The following ELAVL4 variants were observed in gnomAD, a reference collection of about 807,000 sequenced individuals.
ELAVL4 encodes the protein ELAV like RNA binding protein 4, also known as ELAV-like protein 4.
ELAVL4 carries 1 observed loss-of-function variant against 35.6 expected under a neutral mutation model. That is an observed-to-expected ratio of 0.03 (90% CI 0.01 to 0.13). The LOEUF (loss-of-function observed/expected upper bound fraction) is 0.13, where lower values mean the gene tolerates loss of function less well. Ranked by LOEUF, ELAVL4 falls within the 10% of genes least tolerant of loss-of-function variation. The pLI, the probability that ELAVL4 is intolerant of heterozygous loss-of-function variation, is 1.00. For missense variants in ELAVL4, 267 were observed against 464.9 expected (o/e 0.57, Z 3.91); for synonymous variants, 156 against 171.0 (o/e 0.91, Z 0.69).
At chr1:50,098,751 G>A (rs986626396) in intron 1 of ELAVL4, among the ~76,000 whole-genome samples, 5 of 152,182 alleles carry the variant, frequency 3.3e-5, no homozygotes, top group African/African-American at 1.2e-4. Flanking sequence ...ACTAAAAAGG[G>A]TCAAGTGGAG....
intron 2 of ELAVL4, among the ~76,000 whole-genome samples, chr1:50,161,676 G>A (rs1029909556): frequency 1.3e-5 from 2 of 152,176 alleles, no homozygotes; most frequent in African/African-American, 4.8e-5. Context: ...AAAAGGGTGG[G>A]GGAGTGGAAG....
intron 1 of ELAVL4, among the ~76,000 whole-genome samples, chr1:50,120,133 A>T (rs1159894827): frequency 6.6e-6 from 1 of 151,728 alleles, no homozygotes; most frequent in South Asian, 2.1e-4. Flanking sequence ...GCATCATAGT[A>T]TTTAAAATAT....
At chr1:50,122,217 T>C (rs189674824) in intron 1 of ELAVL4, among the ~76,000 whole-genome samples, 26 of 152,200 alleles carry the variant, frequency 1.7e-4, no homozygotes, top group Admixed American at 5.2e-4. Flanking sequence ...GTGCCTACTA[T>C]GTGTTAGCTC....
intron 1 of ELAVL4, among the ~76,000 whole-genome samples, chr1:50,079,307 G>A (rs1410734425): frequency 1.3e-5 from 2 of 152,148 alleles, no homozygotes; most frequent in Non-Finnish European, 2.9e-5. Context: ...TAGCATGTAG[G>A]AGATTTATTA....
At chr1:50,144,546 T>G in intron 1 of ELAVL4, 1 of 484,644 alleles carries the variant, frequency 2.1e-6, no homozygotes, top group Non-Finnish European at 4.1e-6. Flanking sequence ...TATTTGATCT[T>G]GTGAGTGTAG....
intron 4 of ELAVL4, among the ~76,000 whole-genome samples, 156 bp from the exon 5 acceptor site, chr1:50,195,405 G>A (rs1348848345): frequency 1.3e-5 from 2 of 152,208 alleles, no homozygotes; most frequent in African/African-American, 4.8e-5. Context: ...AGGTAAACGT[G>A]TTTTGATTGG....
intron 1 of ELAVL4, among the ~76,000 whole-genome samples, chr1:50,052,716 G>T (rs1488123233): frequency 6.6e-6 from 1 of 152,068 alleles, no homozygotes; most frequent in African/African-American, 2.4e-5. Context: ...TCAGAGTCTG[G>T]CAATAGTTTA....
chr1:50,066,435 T>C (rs544542371), intron 1 of ELAVL4, among the ~76,000 whole-genome samples: 1 of 152,304 alleles, frequency 6.6e-6, no homozygotes, highest in Admixed American at 6.5e-5. Flanking sequence ...TCTTTCATCA[T>C]TTCATGTTCT....
chr1:50,189,413 A>G (rs969884325), intron 3 of ELAVL4, among the ~76,000 whole-genome samples: 1 of 152,246 alleles, frequency 6.6e-6, no homozygotes, highest in Non-Finnish European at 1.5e-5. Flanking sequence ...CCTTGGTGAG[A>G]CTTGCTGAGA....
chr1:50,135,947 C>T (rs1215450037), intron 1 of ELAVL4, among the ~76,000 whole-genome samples: 1 of 152,004 alleles, frequency 6.6e-6, no homozygotes, highest in African/African-American at 2.4e-5. Context: ...GTTATCAGAT[C>T]ATCAGTCTCA....
At chr1:50,169,139 C>T (rs888144794) in intron 2 of ELAVL4, among the ~76,000 whole-genome samples, 2 of 152,124 alleles carry the variant, frequency 1.3e-5, no homozygotes, top group South Asian at 2.1e-4. Context: ...CAGGAAGCAT[C>T]CAGCATGGGA....
At chr1:50,186,467 A>G (rs549646467) in intron 3 of ELAVL4, among the ~76,000 whole-genome samples, 6 of 152,228 alleles carry the variant, frequency 3.9e-5, no homozygotes, top group Non-Finnish European at 8.8e-5. Context: ...AAGTGTAACT[A>G]TTGCCACTGA....
chr1:50,201,289 T>G lies in ELAVL4; in HGVS notation c.*111T>G. The G allele has an allele frequency of 7.6e-7, 1 of 1,320,208 alleles. No homozygotes were observed. The highest frequency in any genetic ancestry group is 1.0e-6 in the Non-Finnish European group (1 of 1,000,246). The allele number at this position is 1,320,208 out of a possible 1,614,324, so 81.8% of individuals were successfully genotyped here. ...AGAGAAACAAACTTTTCAAGGCTTATATTCAACCATGGACTTTATAAGCCA... is the reference window on the plus strand; with the variant it reads ...AGAGAAACAAACTTTTCAAGGCTTAGATTCAACCATGGACTTTATAAGCCA... On this transcript the variant is annotated 3_prime_UTR_variant, in exon 7 of 7. Coordinates refer to ENST00000371824, the MANE Select transcript of ELAVL4 (RefSeq NM_001144774.3). This position sits in a 1 kb window ranked among gnomAD's most constrained non-coding sequence, Gnocchi z 4.3.
At chr1:50,144,500 A>AT (rs745841246) in intron 1 of ELAVL4, 1 of 459,464 alleles carries the variant, frequency 2.2e-6, no homozygotes, top group South Asian at 1.6e-5. Context: ...ATTTAATGTC[A>AT]TTTTATTTTA....
At chr1:50,058,618 CT>C (rs112852298) in intron 1 of ELAVL4, among the ~76,000 whole-genome samples, 343 of 144,730 alleles carry the variant, frequency 2.4e-3, no homozygotes, top group Middle Eastern at 3.6e-3. Flanking sequence ...AAGATAATTC[CT>C]TTTTTTTTTT....
At chr1:50,157,732 T>C (rs1437503801) in intron 2 of ELAVL4, among the ~76,000 whole-genome samples, 1 of 152,268 alleles carries the variant, frequency 6.6e-6, no homozygotes, top group Non-Finnish European at 1.5e-5. Flanking sequence ...TCATTCAGAA[T>C]GAACTAACAT....
intron 3 of ELAVL4, among the ~76,000 whole-genome samples, chr1:50,193,290 T>C (rs895031758): frequency 1.3e-5 from 2 of 151,664 alleles, no homozygotes; most frequent in African/African-American, 2.4e-5. Flanking sequence ...CTGATTGCTT[T>C]TATGTATTCA....
At chr1:50,128,691 C>T (rs979678132) in intron 1 of ELAVL4, among the ~76,000 whole-genome samples, 2 of 152,036 alleles carry the variant, frequency 1.3e-5, no homozygotes, top group African/African-American at 4.8e-5. Context: ...GAGAGGAGGG[C>T]TTTCCAGGCC....
chr1:50,061,627 T>G (rs903488023), intron 1 of ELAVL4, among the ~76,000 whole-genome samples: 10 of 152,154 alleles, frequency 6.6e-5, no homozygotes, highest in African/African-American at 2.4e-4. Flanking sequence ...AAGCTTATGT[T>G]TGTTTGCAAG....
Sources: allele counts gnomAD v4.1 joint callset (sites outside exome capture counted in the v4.1 genomes callset), GRCh38; gene constraint gnomAD v4.1.1; non-coding constraint Gnocchi (gnomAD v3.1); transcripts MANE v1.5; gene names NCBI Gene and HGNC (gene_info 2026-07-23, HGNC 2026-07-21).